Variants in DNM3 observed in about 807,000 individuals in gnomAD.
The protein encoded by DNM3 is dynamin-3.
In DNM3, 47 loss-of-function variants were observed where a neutral mutation model predicts 101.6. The ratio of observed to expected loss-of-function variants is 0.46; its 90% CI spans 0.37 to 0.59. DNM3 has a LOEUF of 0.59. DNM3 is among the 20% of genes least tolerant of loss of function. The pLI is 0.00. For synonymous variants in DNM3, 385 were observed against 387.9 expected (o/e 0.99, Z 0.09); for missense variants, 849 against 1,085.7 (o/e 0.78, Z 3.06).
intron 15 of DNM3, among the ~76,000 whole-genome samples, chr1:172,276,133 TAAC>T (rs1382565363): frequency 6.6e-6 from 1 of 152,092 alleles, no homozygotes; most frequent in African/African-American, 2.4e-5. Flanking sequence ...AGAAGCTAGA[TAAC>T]AACTTATTGG....
chr1:172,293,533 C>T (rs949457874), intron 15 of DNM3, among the ~76,000 whole-genome samples: 1 of 152,120 alleles, frequency 6.6e-6, no homozygotes, highest in African/African-American at 2.4e-5. Flanking sequence ...CAAAAAAATG[C>T]AGTCAGTACA....
chr1:171,906,213 G>A (rs962619181), intron 1 of DNM3, among the ~76,000 whole-genome samples: 3 of 149,242 alleles, frequency 2.0e-5, no homozygotes, highest in Non-Finnish European at 4.4e-5. Flanking sequence ...TTGCGGCCTC[G>A]ACTTCCTGGG....
At chr1:172,357,506 C>G (rs573550181) in intron 17 of DNM3, among the ~76,000 whole-genome samples, 3 of 152,098 alleles carry the variant, frequency 2.0e-5, no homozygotes, top group African/African-American at 7.2e-5. Flanking sequence ...TTGAAGGACA[C>G]TGTACAAAAT....
intron 1 of DNM3, among the ~76,000 whole-genome samples, chr1:171,907,134 T>C (rs769652929): frequency 3.9e-5 from 6 of 152,228 alleles, no homozygotes; most frequent in Non-Finnish European, 7.3e-5. Context: ...ATCTCCTAAT[T>C]GTTTTCCCTG....
chr1:172,186,229 T>A (rs2059518223), intron 14 of DNM3, among the ~76,000 whole-genome samples: 1 of 152,082 alleles, frequency 6.6e-6, no homozygotes, highest in Non-Finnish European at 1.5e-5. Flanking sequence ...CAACCAACTT[T>A]ACCTCAAAGT....
intron 4 of DNM3, among the ~76,000 whole-genome samples, chr1:171,998,041 T>G (rs1044960889): frequency 5.3e-5 from 8 of 152,126 alleles, no homozygotes; most frequent in African/African-American, 1.9e-4. Flanking sequence ...TAGGTGGAAT[T>G]GAGCTAGAGA....
At chr1:172,405,345 A>G (rs1390376832) in intron 20 of DNM3, among the ~76,000 whole-genome samples, 2 of 152,072 alleles carry the variant, frequency 1.3e-5, no homozygotes, top group African/African-American at 4.8e-5. Flanking sequence ...AAATAAATAC[A>G]TAATCACAAG....
chr1:172,083,942 A>G (rs2053341663), intron 12 of DNM3, among the ~76,000 whole-genome samples: 1 of 152,162 alleles, frequency 6.6e-6, no homozygotes, highest in Non-Finnish European at 1.5e-5. Flanking sequence ...GAGATAGACT[A>G]TGAATCTTTA....
Position 172,032,519 on chromosome 1 carries a change from T to C in DNM3, c.688+19T>C, listed in dbSNP as rs375589843. ...CGCAGGGGTAATGTACTGTGGTCTA[T>C]ACAAGACTTTTTTTTTTTTTTTTTT... On this transcript the variant is annotated intron_variant, in intron 5 of 20. Transcript: ENST00000627582. 12 of 893,704 alleles carry C rather than the reference T, an allele frequency of 1.3e-5. No homozygotes were observed. Among genetic ancestry groups the C allele is most frequent in the East Asian group, 5.3e-5 (2 of 37,646 alleles). 55.4% of individuals were successfully genotyped at this position (893,704 alleles called of 1,614,324 possible).
intron 20 of DNM3, chr1:172,397,048 T>C (rs1231490588): frequency 6.6e-6 from 1 of 152,618 alleles, no homozygotes; most frequent in East Asian, 1.9e-4. Context: ...TAAGTAAATC[T>C]ACCCTTAAGT....
chr1:172,054,372 T>A (rs7533694), intron 10 of DNM3, among the ~76,000 whole-genome samples: 52,703 of 152,124 alleles, frequency 0.35, 9,984 homozygotes, highest in East Asian at 0.69. Flanking sequence ...TTTGGCTTCA[T>A]GCCAGGGACA....
chr1:172,034,349 C>A (rs1385818066), intron 6 of DNM3, among the ~76,000 whole-genome samples: 4 of 151,948 alleles, frequency 2.6e-5, no homozygotes, highest in Non-Finnish European at 5.9e-5. Flanking sequence ...AACACTCTAC[C>A]AATATATTTT....
At position 172,216,512 on chromosome 1, in the gene DNM3, A is replaced by G. The variant is rs185057572; in HGVS notation, c.1660-37061A>G. 1.6e-3 allele frequency among the ~76,000 whole-genome samples: 249 copies of G among 152,276 alleles called. 2 individuals carry two copies. The Middle Eastern group carries it at 0.02, about 12-fold the overall frequency. ...ATGACTAGATAAAAGACTTCAATTT[A>G]TCAGTTTATGTCTGAAGCCGAAAAC... On this transcript the variant is annotated intron_variant, in intron 14 of 20. Transcript: ENST00000627582.
At chr1:172,097,761 TTCTTTTCTA>T (rs1368791827) in intron 13 of DNM3, among the ~76,000 whole-genome samples, 1 of 152,174 alleles carries the variant, frequency 6.6e-6, no homozygotes, top group Non-Finnish European at 1.5e-5. Flanking sequence ...TTCACATAGG[TTCTTTTCTA>T]TTTTCCCTAA....
At chr1:172,032,590 G>A (rs952480420) in intron 5 of DNM3, 90 bp downstream of exon 5, 2 of 828,548 alleles carry the variant, frequency 2.4e-6, no homozygotes, top group African/African-American at 3.6e-5. Flanking sequence ...GAAGCCACTA[G>A]GAGGTTTGGT....
chr1:171,858,778 C>G (rs927267287), intron 1 of DNM3, among the ~76,000 whole-genome samples: 4 of 152,084 alleles, frequency 2.6e-5, no homozygotes, highest in Admixed American at 2.6e-4. Flanking sequence ...GTCTTCCTTC[C>G]CCATCAGTAC....
chr1:171,849,026 A>G (rs2032580536), intron 1 of DNM3, among the ~76,000 whole-genome samples: 1 of 152,192 alleles, frequency 6.6e-6, no homozygotes, highest in Non-Finnish European at 1.5e-5. Context: ...TGATATACCC[A>G]TGAATAGCAT....
chr1:171,994,906 T>C (rs560607813), intron 4 of DNM3, among the ~76,000 whole-genome samples: 2 of 152,106 alleles, frequency 1.3e-5, no homozygotes, highest in South Asian at 4.2e-4. Flanking sequence ...GGTTAAATAG[T>C]TACAATTGTC....
At chr1:172,395,173 A>G (rs984935232) in intron 20 of DNM3, among the ~76,000 whole-genome samples, 2 of 133,116 alleles carry the variant, frequency 1.5e-5, no homozygotes, top group Non-Finnish European at 3.2e-5. Flanking sequence ...ATCAGAAGCA[A>G]TTTTTTTTTT....
Sources: gnomAD v4.1 joint callset for allele counts (sites outside exome capture counted in the v4.1 genomes callset) on GRCh38, gnomAD v4.1.1 for gene constraint, MANE v1.5 for transcripts, NCBI Gene and HGNC (gene_info 2026-07-23, HGNC 2026-07-21) for gene names.